SCAI: variants seen among roughly 807,000 people sequenced by gnomAD.
SCAI encodes suppressor of cancer cell invasion.
In SCAI, 24 loss-of-function variants were observed where a neutral mutation model predicts 92.2. The ratio of observed to expected loss-of-function variants is 0.26; its 90% CI spans 0.19 to 0.37. The LOEUF (loss-of-function observed/expected upper bound fraction) is 0.37, where lower values mean the gene tolerates loss of function less well. Among genes scored for constraint, SCAI ranks in the 10% least tolerant of loss-of-function variants. The pLI, the probability that SCAI is intolerant of heterozygous loss-of-function variation, is 1.00. For synonymous variants in SCAI, 261 were observed against 258.6 expected (o/e 1.01, Z -0.09); for missense variants, 450 against 736.2 (o/e 0.61, Z 4.50).
intron 2 of SCAI, among the ~76,000 whole-genome samples, chr9:125,059,948 T>C (rs554114720): frequency 5.4e-4 from 83 of 152,360 alleles, no homozygotes; most frequent in African/African-American, 1.9e-3. Context: ...CAAATTTATA[T>C]TCATAGTTGA....
chr9:125,108,130 A>C (rs1158021453), intron 2 of SCAI, among the ~76,000 whole-genome samples: 1 of 152,260 alleles, frequency 6.6e-6, no homozygotes, highest in Non-Finnish European at 1.5e-5. Context: ...TCATTCACTC[A>C]GTGCTCAATG....
intron 2 of SCAI, among the ~76,000 whole-genome samples, chr9:125,100,164 T>A (rs1302892616): frequency 6.6e-6 from 1 of 152,266 alleles, no homozygotes; most frequent in Non-Finnish European, 1.5e-5. Flanking sequence ...TACAGATCTA[T>A]GAGAAGTAGC....
intron 3 of SCAI, among the ~76,000 whole-genome samples, chr9:125,053,669 T>C (rs907073152): frequency 6.6e-6 from 1 of 152,146 alleles, no homozygotes. Flanking sequence ...TTTGGAAGAA[T>C]GTAGAATCAC....
At chr9:125,042,610 AGAGTATGTGTGTGTGTGTGT>A (rs2131111280) in intron 3 of SCAI, among the ~76,000 whole-genome samples, 1 of 75,786 alleles carries the variant, frequency 1.3e-5, no homozygotes, top group South Asian at 4.5e-4. Context: ...GGCTTCCACC[AGAGTATGTGTGTGTGTGTGT>A]GTGTACACAC....
At chr9:124,953,880 T>A (rs1030434638) in intron 17 of SCAI, among the ~76,000 whole-genome samples, 1 of 149,258 alleles carries the variant, frequency 6.7e-6, no homozygotes, top group South Asian at 2.1e-4. Context: ...CAAAAATAAA[T>A]TTTTTTTTTT....
intron 2 of SCAI, among the ~76,000 whole-genome samples, chr9:125,141,404 T>A (rs975196577): frequency 3.9e-5 from 6 of 152,250 alleles, no homozygotes; most frequent in Non-Finnish European, 5.9e-5. Context: ...AGTAGCTTAC[T>A]TTCTCTAGGT....
intron 2 of SCAI, among the ~76,000 whole-genome samples, chr9:125,102,936 CTCTT>C (rs1171104986): frequency 1.3e-5 from 2 of 152,082 alleles, no homozygotes; most frequent in African/African-American, 4.8e-5. Context: ...AGTCATCTCT[CTCTT>C]TCTCTATACA....
At chr9:125,005,335 T>C (rs1239214685) in intron 9 of SCAI, among the ~76,000 whole-genome samples, 2 of 152,142 alleles carry the variant, frequency 1.3e-5, no homozygotes, top group Non-Finnish European at 2.9e-5. Context: ...TCATTTAATA[T>C]ACGTGTGTGT....
intron 2 of SCAI, among the ~76,000 whole-genome samples, chr9:125,096,054 G>C (rs528426290): frequency 5.1e-4 from 77 of 152,288 alleles, no homozygotes; most frequent in African/African-American, 1.8e-3. Context: ...CAGTCTGCCA[G>C]CACTTCCTGG....
At position 125,142,669 on chromosome 9, in the gene SCAI, C is replaced by G; in HGVS notation, c.62G>C (p.Gly21Ala). ...PRSRLAPRLT[G>A]TVEKPPRKRR... ...TTTTCGAGGCGGTTTCTCCACTGTG[C>G]CAGTCAGTCTGCAGACCAAACAAAT... Residue 21 changes from glycine (G) to alanine (A), a missense_variant, in exon 2 of 18, where the codon GGC becomes GCC. Transcript: ENST00000336505. The G allele has an allele frequency of 6.2e-7, 1 of 1,613,366 alleles. No individual in the cohort carries two copies. Among genetic ancestry groups the G allele is most frequent in the Non-Finnish European group, 8.5e-7 (1 of 1,179,362 alleles).
At chr9:125,123,013 T>C (rs1337700781) in intron 2 of SCAI, among the ~76,000 whole-genome samples, 5 of 150,754 alleles carry the variant, frequency 3.3e-5, no homozygotes, top group African/African-American at 1.2e-4. Context: ...ACAATTTTAT[T>C]ATCACCAGCC....
chr9:125,022,707 C>T (rs7853505), intron 6 of SCAI, among the ~76,000 whole-genome samples: 26,631 of 152,092 alleles, frequency 0.18, 2,940 homozygotes, highest in Non-Finnish European at 0.23. Context: ...TGTGAGTCAC[C>T]GCTCTTGGCC....
chr9:125,107,959 A>C lies in SCAI; in HGVS notation c.98+34674T>G, dbSNP rs568658913. Among the ~76,000 whole-genome samples, 5 of 151,634 alleles carry C rather than the reference A, an allele frequency of 3.3e-5. No individual in the cohort carries two copies. The South Asian group carries it at 6.3e-4, about 19-fold the overall frequency. ...TGATTCTCCTGTCTCAGCCTGCCGAACCCCTGCGATTGCAGGCGCGCGCCG... is the reference window on the plus strand; with the variant it reads ...TGATTCTCCTGTCTCAGCCTGCCGACCCCCTGCGATTGCAGGCGCGCGCCG... On this transcript the variant is annotated intron_variant, in intron 2 of 17. Transcript: ENST00000336505.
In SCAI at chr9:125,041,123, T is replaced by C. The variant is rs187323338; in HGVS notation, c.231-11384A>G. ...TCCTACCTGAAATTTTCAGGCACAATAGCAAGAATTAGCAAGTTTAAAACT... is the reference window on the plus strand; with the variant it reads ...TCCTACCTGAAATTTTCAGGCACAACAGCAAGAATTAGCAAGTTTAAAACT... On this transcript the variant is annotated intron_variant, in intron 3 of 17. Coordinates refer to ENST00000336505, the MANE Select transcript of SCAI (RefSeq NM_001144877.3). 2.0e-5 allele frequency among the ~76,000 whole-genome samples: 3 copies of C among 152,272 alleles called. No homozygotes were observed. The East Asian group carries it at 5.8e-4, about 29-fold the overall frequency.
At chr9:125,083,166 T>G (rs1834256561) in intron 2 of SCAI, among the ~76,000 whole-genome samples, 1 of 152,130 alleles carries the variant, frequency 6.6e-6, no homozygotes, top group Admixed American at 6.5e-5. Context: ...TCTGATGGTT[T>G]TAAAAAGAGG....
chr9:125,121,743 C>G (rs149323586), intron 2 of SCAI, among the ~76,000 whole-genome samples: 19 of 152,212 alleles, frequency 1.2e-4, no homozygotes, highest in Non-Finnish European at 2.6e-4. Flanking sequence ...GTCCCAGCCA[C>G]TTGGGAGGCT....
At chr9:125,112,678 C>T (rs191265546) in intron 2 of SCAI, among the ~76,000 whole-genome samples, 70 of 152,306 alleles carry the variant, frequency 4.6e-4, no homozygotes, top group South Asian at 1.5e-3. Flanking sequence ...AACAAACACA[C>T]CTAACACCTA....
intron 3 of SCAI, among the ~76,000 whole-genome samples, chr9:125,055,314 C>G (rs189323287): frequency 1.3e-5 from 2 of 152,040 alleles, no homozygotes; most frequent in Non-Finnish European, 2.9e-5. Context: ...AGTGAATATC[C>G]TAAGACTCTC....
chr9:125,011,376 C>T (rs868668297), intron 9 of SCAI, among the ~76,000 whole-genome samples: 12 of 152,000 alleles, frequency 7.9e-5, no homozygotes, highest in Non-Finnish European at 1.2e-4. Context: ...TCAAGAACTA[C>T]GTGAAGAATG....
Sources: gnomAD v4.1 joint callset for allele counts (sites outside exome capture counted in the v4.1 genomes callset) on GRCh38, gnomAD v4.1.1 for gene constraint, MANE v1.5 for transcripts, NCBI Gene and HGNC (gene_info 2026-07-23, HGNC 2026-07-21) for gene names.